ACTL8: variants seen among roughly 807,000 people sequenced by gnomAD.
The protein encoded by ACTL8 is actin like 8, also known as actin-like protein 8.
Under a neutral mutation model 9.3 loss-of-function variants are expected in ACTL8, and 3 were observed. The observed-to-expected ratio is 0.32, with a 90% CI of 0.15 to 0.83. The LOEUF (loss-of-function observed/expected upper bound fraction) is 0.83, where lower values mean the gene tolerates loss of function less well. Among genes scored for constraint, ACTL8 ranks in the 40% least tolerant of loss-of-function variants. The pLI is 0.57. For synonymous variants in ACTL8, 224 were observed against 205.9 expected (o/e 1.09, Z -0.75); for missense variants, 381 against 492.2 (o/e 0.77, Z 2.14).
intron 1 of ACTL8, among the ~76,000 whole-genome samples, chr1:17,785,119 C>T (rs1366930685): frequency 6.6e-6 from 1 of 152,220 alleles, no homozygotes; most frequent in Non-Finnish European, 1.5e-5. Context: ...GTCCCTCCCA[C>T]AACATGTGGG....
chr1:17,773,299 T>A (rs1207496907), intron 1 of ACTL8, among the ~76,000 whole-genome samples: 1 of 152,162 alleles, frequency 6.6e-6, no homozygotes, highest in Non-Finnish European at 1.5e-5. Flanking sequence ...GGGCCATAGC[T>A]CCAGCTCCTG....
rs2102676317 is a variant in ACTL8 at position 17,767,228 on chromosome 1, G to A, written c.-25+11724G>A. 6.6e-6 allele frequency among the ~76,000 whole-genome samples: 1 copy of A among 151,476 alleles called. No homozygotes were observed. The highest frequency in any genetic ancestry group is 6.6e-5 in the Admixed American group (1 of 15,256). ...TGGAGGCCTGCTCTGGAAACAGTGAGGAGGGCATCAGGAGGTGAGGTCAGA... is the reference window on the plus strand; with the variant it reads ...TGGAGGCCTGCTCTGGAAACAGTGAAGAGGGCATCAGGAGGTGAGGTCAGA... On this transcript the variant is annotated intron_variant, in intron 1 of 2. Coordinates refer to ENST00000375406, the MANE Select transcript of ACTL8 (RefSeq NM_030812.3). The surrounding 1 kb of genome is among the most constrained non-coding windows in gnomAD (Gnocchi z 4.7).
At chr1:17,768,012 A>G (rs2066057731) in intron 1 of ACTL8, among the ~76,000 whole-genome samples, 1 of 152,110 alleles carries the variant, frequency 6.6e-6, no homozygotes, top group Non-Finnish European at 1.5e-5. Context: ...GTTTTAGAGA[A>G]TCAGTCAGGG....
intron 1 of ACTL8, among the ~76,000 whole-genome samples, chr1:17,782,210 G>A (rs1310251916): frequency 1.3e-5 from 2 of 151,730 alleles, no homozygotes; most frequent in Non-Finnish European, 2.9e-5. Context: ...GAGGAGAAGA[G>A]TTTGAGGACA....
intron 1 of ACTL8, among the ~76,000 whole-genome samples, chr1:17,797,257 C>A (rs541180713): frequency 6.6e-6 from 1 of 152,088 alleles, no homozygotes; most frequent in Admixed American, 6.5e-5. Flanking sequence ...TGGCAGTTCG[C>A]GGTGATGCCG....
chr1:17,779,954 C>A (rs1022333163), intron 1 of ACTL8, among the ~76,000 whole-genome samples: 2 of 152,120 alleles, frequency 1.3e-5, no homozygotes, highest in African/African-American at 4.8e-5. Context: ...TACATGTAAT[C>A]CCAGAGTTTT....
chr1:17,816,382 T>C (rs2066426264), intron 1 of ACTL8, among the ~76,000 whole-genome samples: 1 of 152,104 alleles, frequency 6.6e-6, no homozygotes, highest in Non-Finnish European at 1.5e-5. Context: ...TTTTGTACTT[T>C]TGGGAGAGAT....
At chr1:17,771,421 C>T (rs1450728528) in intron 1 of ACTL8, among the ~76,000 whole-genome samples, 1 of 152,010 alleles carries the variant, frequency 6.6e-6, no homozygotes, top group African/African-American at 2.4e-5. Context: ...AGAATAATGC[C>T]TATTATGTGT....
At chr1:17,792,983 A>C (rs260525) in intron 1 of ACTL8, among the ~76,000 whole-genome samples, 1 of 151,994 alleles carries the variant, frequency 6.6e-6, no homozygotes, top group African/African-American at 2.4e-5. Flanking sequence ...ATTTTTTGGG[A>C]ACCAAAGGCT....
chr1:17,820,751 ATTT>A (rs2124192831), intron 1 of ACTL8, among the ~76,000 whole-genome samples: 1 of 151,812 alleles, frequency 6.6e-6, no homozygotes, highest in African/African-American at 2.4e-5. Context: ...TTGTTTTTGT[ATTT>A]TTAGTAGAGA....
chr1:17,824,329 G>T (rs1269919572), intron 2 of ACTL8, among the ~76,000 whole-genome samples: 1 of 152,030 alleles, frequency 6.6e-6, no homozygotes, highest in African/African-American at 2.4e-5. Context: ...GAAAGAGAGA[G>T]GAAAGAAAAA....
chr1:17,791,956 C>A (rs2066242835), intron 1 of ACTL8, among the ~76,000 whole-genome samples: 1 of 152,214 alleles, frequency 6.6e-6, no homozygotes, highest in Non-Finnish European at 1.5e-5. Flanking sequence ...TTGCTATCTG[C>A]AGAGTTTGTG....
At chr1:17,805,365 CT>C (rs1465837822) in intron 1 of ACTL8, among the ~76,000 whole-genome samples, 10 of 83,078 alleles carry the variant, frequency 1.2e-4, no homozygotes, top group African/African-American at 4.8e-4. Flanking sequence ...GATATATTTT[CT>C]TTTTCTTTTT....
intron 1 of ACTL8, among the ~76,000 whole-genome samples, chr1:17,809,774 T>G (rs2102697324): frequency 6.6e-6 from 1 of 152,164 alleles, no homozygotes. Flanking sequence ...GGCCTCCCAC[T>G]GATTCTACAT....
At chr1:17,787,720 G>A (rs1027639697) in intron 1 of ACTL8, among the ~76,000 whole-genome samples, 3 of 151,044 alleles carry the variant, frequency 2.0e-5, no homozygotes, top group Admixed American at 6.6e-5. Flanking sequence ...CTCCTTGCAC[G>A]CACATACATC....
intron 1 of ACTL8, among the ~76,000 whole-genome samples, chr1:17,809,033 A>C (rs1230816071): frequency 3.3e-5 from 5 of 152,186 alleles, no homozygotes; most frequent in Non-Finnish European, 5.9e-5. Flanking sequence ...TTTTAGGGAC[A>C]CGGGAGTGCA....
At chr1:17,800,688 G>A (rs1349395352) in intron 1 of ACTL8, among the ~76,000 whole-genome samples, 4 of 141,756 alleles carry the variant, frequency 2.8e-5, no homozygotes, top group Non-Finnish European at 4.5e-5. Flanking sequence ...CTCTGCACCC[G>A]GGTTCAATCA....
intron 1 of ACTL8, among the ~76,000 whole-genome samples, chr1:17,786,047 C>T (rs1270791068): frequency 6.6e-6 from 1 of 152,186 alleles, no homozygotes; most frequent in Non-Finnish European, 1.5e-5. Context: ...CTTGGCTGGG[C>T]CTGTCCTTGG....
chr1:17,767,998 TG>T lies in ACTL8; in HGVS notation c.-25+12498del, dbSNP rs2066057661. ...GGCAGGGGTGAGCATATATGTGATG[TG>T]GGGTTTTAGAGAATCAGTCAGGGCT... On this transcript the variant is annotated intron_variant, in intron 1 of 2. Coordinates refer to ENST00000375406, the MANE Select transcript of ACTL8 (RefSeq NM_030812.3). The surrounding 1 kb of genome is among the most constrained non-coding windows in gnomAD (Gnocchi z 4.7). Among the ~76,000 whole-genome samples the T allele has an allele frequency of 6.6e-6, 1 of 151,968 alleles. No individual in the cohort carries two copies. The highest frequency in any genetic ancestry group is 6.6e-5 in the Admixed American group (1 of 15,266).
Sources: gnomAD v4.1 joint callset for allele counts (sites outside exome capture counted in the v4.1 genomes callset) on GRCh38, gnomAD v4.1.1 for gene constraint, Gnocchi (gnomAD v3.1) non-coding constraint, MANE v1.5 for transcripts, NCBI Gene and HGNC (gene_info 2026-07-23, HGNC 2026-07-21) for gene names.